Variants in ATP2C1 observed in about 807,000 individuals in gnomAD.
ATP2C1 encodes the protein calcium-transporting ATPase type 2C member 1.
Under a neutral mutation model 120.5 loss-of-function variants are expected in ATP2C1, and 31 were observed. The ratio of observed to expected loss-of-function variants is 0.26; its 90% CI spans 0.19 to 0.35. The LOEUF is 0.35. ATP2C1 is among the 10% of genes least tolerant of loss of function. The pLI, the probability that ATP2C1 is intolerant of heterozygous loss-of-function variation, is 1.00. For missense variants in ATP2C1, 731 were observed against 1,107.5 expected (o/e 0.66, Z 4.83); for synonymous variants, 351 against 358.7 (o/e 0.98, Z 0.24).
At chr3:130,885,511 C>G (rs1474398581) in intron 1 of ATP2C1, among the ~76,000 whole-genome samples, 1 of 151,562 alleles carries the variant, frequency 6.6e-6, no homozygotes, top group Non-Finnish European at 1.5e-5. Context: ...GTCTATTGTA[C>G]GTTTTTCAAG....
At chr3:130,885,058 G>A (rs1295396483) in intron 1 of ATP2C1, among the ~76,000 whole-genome samples, 1 of 151,168 alleles carries the variant, frequency 6.6e-6, no homozygotes, top group African/African-American at 2.4e-5. Context: ...CTCAGCCTCT[G>A]GAGTAGCTGG....
At chr3:130,924,527 T>G (rs1045992297) in intron 2 of ATP2C1, among the ~76,000 whole-genome samples, 1 of 152,194 alleles carries the variant, frequency 6.6e-6, no homozygotes. Flanking sequence ...ATCTTGACTT[T>G]AGGTAATGAT....
exon 1 of ATP2C1, chr3:130,850,817 C>T (rs899763333): frequency 3.5e-6 from 5 of 1,413,456 alleles, no homozygotes; most frequent in African/African-American, 2.9e-5. Context: ...TTGCTTTCCT[C>T]ACTATGGATA....
At chr3:130,909,269 A>G (rs2058281255) in intron 2 of ATP2C1, among the ~76,000 whole-genome samples, 1 of 152,144 alleles carries the variant, frequency 6.6e-6, no homozygotes, top group Non-Finnish European at 1.5e-5. Flanking sequence ...CCAATTTCCC[A>G]CCCCATATAG....
chr3:130,947,199 A>G (rs962018578), intron 8 of ATP2C1, among the ~76,000 whole-genome samples: 2 of 152,132 alleles, frequency 1.3e-5, no homozygotes, highest in African/African-American at 4.8e-5. Context: ...GAGATTACGC[A>G]TACTTAACCA....
chr3:130,903,939 T>A (rs934144654), intron 2 of ATP2C1, among the ~76,000 whole-genome samples: 4 of 152,018 alleles, frequency 2.6e-5, no homozygotes, highest in African/African-American at 9.7e-5. Context: ...GTAGATGGAG[T>A]ATTATGCCCA....
At chr3:131,012,102 A>G (rs2063337206) in intron 26 of ATP2C1, among the ~76,000 whole-genome samples, 1 of 152,194 alleles carries the variant, frequency 6.6e-6, no homozygotes, top group East Asian at 1.9e-4. Flanking sequence ...AAAGAAAAAC[A>G]TGGTAGATGT....
In ATP2C1 at chr3:131,001,289, G is replaced by A. The variant is rs2062874105; in HGVS notation, c.2699G>A (p.Arg900Lys). The A allele has an allele frequency of 1.2e-6, 2 of 1,613,800 alleles. No homozygotes were observed. Among genetic ancestry groups the A allele is most frequent in the Non-Finnish European group, 1.7e-6 (2 of 1,179,850 alleles). The change falls in exon 28 of 28, where the codon AGG becomes AAG. Residue 900 changes from arginine to lysine, a missense_variant. Transcript: ENST00000510168. ...GCAGAAATTATAAAGAAGGTTGAAA[G>A]GAGCAGGGAAAAGATCCAGAAGCAT... ...IVAEIIKKVE[R>K]SREKIQKHVS...
At chr3:130,877,042 T>C (rs547629399) in intron 1 of ATP2C1, among the ~76,000 whole-genome samples, 2 of 152,228 alleles carry the variant, frequency 1.3e-5, no homozygotes, top group Non-Finnish European at 2.9e-5. Flanking sequence ...TAAGATCATG[T>C]TATCTGCAAA....
At chr3:130,960,480 T>C (rs74640084) in intron 12 of ATP2C1, among the ~76,000 whole-genome samples, 4,109 of 152,256 alleles carry the variant, frequency 0.027, 191 homozygotes, top group African/African-American at 0.093. Flanking sequence ...CTTGAGAAAC[T>C]CAAAGCTATG....
At chr3:130,928,467 G>C (rs546443171) in intron 2 of ATP2C1, among the ~76,000 whole-genome samples, 176 of 152,256 alleles carry the variant, frequency 1.2e-3, no homozygotes, top group African/African-American at 4.0e-3. Context: ...ACTACCAAAG[G>C]ATTAGTTGAG....
intron 19 of ATP2C1, among the ~76,000 whole-genome samples, chr3:130,979,734 T>C (rs1365833415): frequency 6.6e-6 from 1 of 152,180 alleles, no homozygotes; most frequent in East Asian, 1.9e-4. Flanking sequence ...AAAGGAAACA[T>C]GAAACTTAGT....
rs1373632440 is a variant in ATP2C1 at position 131,001,332 on chromosome 3, A to G, written c.2742A>G (p.Ser914=). The part of the protein sequence containing the change: ...KIQKHVSSTS[S]SFLEV Reference sequence around the variant, plus strand: ...AGAAGCATGTTAGTTCGACATCATCATCTTTTCTTGAAGTATGATGCATAT... The same window carrying G: ...AGAAGCATGTTAGTTCGACATCATCGTCTTTTCTTGAAGTATGATGCATAT... Residue 914 remains serine, a synonymous_variant, in exon 28 of 28, where the codon TCA becomes TCG. Transcript: ENST00000510168. The G allele has an allele frequency of 6.2e-7, 1 of 1,613,544 alleles. No individual in the cohort carries two copies. Among genetic ancestry groups the G allele is most frequent in the South Asian group, 1.1e-5 (1 of 91,068 alleles).
chr3:130,993,649 C>T (rs143661923), intron 21 of ATP2C1, among the ~76,000 whole-genome samples: 5 of 152,258 alleles, frequency 3.3e-5, no homozygotes, highest in South Asian at 2.1e-4. Context: ...TCAGATGTCC[C>T]TTGGGAGACA....
intron 1 of ATP2C1, among the ~76,000 whole-genome samples, chr3:130,853,223 T>A (rs920772193): frequency 2.6e-5 from 4 of 152,190 alleles, no homozygotes; most frequent in African/African-American, 9.6e-5. Context: ...GTAGATACTA[T>A]TGCCTGTAAA....
chr3:130,996,814 G>T lies in ATP2C1; in HGVS notation c.2243+18G>T, dbSNP rs776884594. On this transcript the variant is annotated intron_variant, in intron 24 of 27. Transcript: ENST00000510168. ...GCTCAGAGGTACGAGTTTTTTAATT[G>T]CATGAGCTGGAAAGACAAGGAATGT... 2 of 1,489,582 alleles carry T rather than the reference G, an allele frequency of 1.3e-6. No individual in the cohort carries two copies. Among genetic ancestry groups the T allele is most frequent in the Non-Finnish European group, 1.9e-6 (2 of 1,066,870 alleles). 92.3% of individuals were successfully genotyped at this position (1,489,582 alleles called of 1,614,324 possible).
intron 8 of ATP2C1, among the ~76,000 whole-genome samples, chr3:130,950,814 A>G (rs1168106840): frequency 6.6e-6 from 1 of 152,096 alleles, no homozygotes; most frequent in East Asian, 1.9e-4. Context: ...GGCTGAAACC[A>G]AAGAGCTAGG....
At chr3:130,940,548 A>G (rs1211406983) in intron 6 of ATP2C1, 82 bp from the exon 7 acceptor site, 2 of 943,576 alleles carry the variant, frequency 2.1e-6, no homozygotes, top group African/African-American at 3.3e-5. Flanking sequence ...GGAAATTTTA[A>G]AATAATGATT....
chr3:130,962,821 A>G (rs571967223), intron 12 of ATP2C1: 2 of 151,934 alleles, frequency 1.3e-5, no homozygotes, highest in Admixed American at 1.3e-4. Flanking sequence ...ATTAATGATA[A>G]TACATATTTC....
Sources: allele counts gnomAD v4.1 joint callset (sites outside exome capture counted in the v4.1 genomes callset), GRCh38; gene constraint gnomAD v4.1.1; transcripts MANE v1.5; gene names NCBI Gene and HGNC (gene_info 2026-07-23, HGNC 2026-07-21).